Variants in NUP210L observed in about 807,000 individuals in gnomAD.
NUP210L encodes nucleoporin 210 like, also known as nuclear pore membrane glycoprotein 210-like.
Under a neutral mutation model 208.5 loss-of-function variants are expected in NUP210L, and 74 were observed. That is an observed-to-expected ratio of 0.35 (90% CI 0.29 to 0.43). The LOEUF (loss-of-function observed/expected upper bound fraction) is 0.43, where lower values mean the gene tolerates loss of function less well. NUP210L is among the 20% of genes least tolerant of loss of function. The pLI is 1.00. For synonymous variants in NUP210L, 780 were observed against 816.9 expected (o/e 0.95, Z 0.77); for missense variants, 1,843 against 2,289.4 (o/e 0.81, Z 3.98).
chr1:154,018,341 G>A (rs755336032), intron 33 of NUP210L, among the ~76,000 whole-genome samples: 44 of 151,964 alleles, frequency 2.9e-4, no homozygotes, highest in Admixed American at 9.2e-4. Flanking sequence ...ATGACTCCCA[G>A]ACTTTTATAT....
At chr1:154,119,947 T>C (rs982138941) in intron 10 of NUP210L, among the ~76,000 whole-genome samples, 2 of 152,230 alleles carry the variant, frequency 1.3e-5, no homozygotes, top group Non-Finnish European at 2.9e-5. Context: ...TTTCTAGTTC[T>C]AGATCCTTGA....
At chr1:154,027,506 C>G (rs770806647) in exon 29 of NUP210L, 1 of 1,601,196 alleles carries the variant, frequency 6.2e-7, no homozygotes, top group Non-Finnish European at 8.6e-7. Context: ...TTTTCCTTAC[C>G]TGTTGGTATG....
intron 17 of NUP210L, among the ~76,000 whole-genome samples, chr1:154,065,720 C>G (rs1056304307): frequency 6.6e-6 from 1 of 151,780 alleles, no homozygotes; most frequent in Admixed American, 6.6e-5. Context: ...TGGTGAAACT[C>G]GGTCTCTACT....
chr1:154,110,676 C>T (rs1034065191), intron 12 of NUP210L, among the ~76,000 whole-genome samples: 1 of 151,266 alleles, frequency 6.6e-6, no homozygotes, highest in African/African-American at 2.5e-5. Context: ...CCCAGGAGTT[C>T]AAGACCAGCC....
In NUP210L at chr1:154,118,663, C is replaced by T; in HGVS notation, c.1464+8G>A. On this transcript the variant is annotated splice_region_variant and intron_variant, in intron 11 of 39. Coordinates refer to ENST00000368559, the Ensembl canonical transcript of NUP210L. Reference sequence around the variant, plus strand: ...TATCTCCTTGTGAAGCCTTATAGGACACCATACCTGTACTTTATAACGATA... The same window carrying T: ...TATCTCCTTGTGAAGCCTTATAGGATACCATACCTGTACTTTATAACGATA... The T allele has an allele frequency of 6.5e-7, 1 of 1,546,926 alleles. No individual in the cohort carries two copies. The highest frequency in any genetic ancestry group is 8.7e-7 in the Non-Finnish European group (1 of 1,143,590).
chr1:154,120,009 A>G lies in NUP210L; in HGVS notation c.1327-1201T>C, dbSNP rs532089530. On this transcript the variant is annotated intron_variant, in intron 10 of 39. Coordinates refer to ENST00000368559, the Ensembl canonical transcript of NUP210L. ...GGTTGAACTAGTTTACAGTCCCACCAACAGTGTAAAAGTGTTCCTATTTCT... is the reference window on the plus strand; with the variant it reads ...GGTTGAACTAGTTTACAGTCCCACCGACAGTGTAAAAGTGTTCCTATTTCT... Among the ~76,000 whole-genome samples the G allele has an allele frequency of 1.4e-4, 21 of 152,330 alleles. No homozygotes were observed. In the East Asian group the frequency reaches 3.9e-3, roughly 28 times the overall value.
chr1:154,098,678 A>G (rs1365576247), intron 14 of NUP210L, among the ~76,000 whole-genome samples: 4 of 152,098 alleles, frequency 2.6e-5, no homozygotes, highest in African/African-American at 9.7e-5. Context: ...GAGGGGAGGA[A>G]GTCCACACTG....
intron 17 of NUP210L, among the ~76,000 whole-genome samples, chr1:154,066,914 G>A (rs1283973269): frequency 7.2e-5 from 11 of 152,148 alleles, no homozygotes; most frequent in Admixed American, 2.0e-4. Context: ...TCACTGAATA[G>A]ACCAATAACA....
intron 5 of NUP210L, among the ~76,000 whole-genome samples, chr1:154,139,190 AC>A (rs1215143419): frequency 6.7e-6 from 1 of 150,188 alleles, no homozygotes; most frequent in African/African-American, 2.5e-5. Context: ...ATCACTTGAA[AC>A]CCCCCCACCC....
At chr1:154,050,176 A>G (rs866429011) in intron 25 of NUP210L, among the ~76,000 whole-genome samples, 1 of 152,242 alleles carries the variant, frequency 6.6e-6, no homozygotes, top group Non-Finnish European at 1.5e-5. Flanking sequence ...TGACACTACA[A>G]TAGTGCCACA....
At chr1:154,038,550 G>A (rs1454096172) in intron 27 of NUP210L, among the ~76,000 whole-genome samples, 1 of 151,904 alleles carries the variant, frequency 6.6e-6, no homozygotes, top group African/African-American at 2.4e-5. Flanking sequence ...TCACCATGTT[G>A]GTCAGGCTGG....
intron 7 of NUP210L, among the ~76,000 whole-genome samples, chr1:154,135,514 C>T (rs1290749930): frequency 2.0e-5 from 3 of 151,882 alleles, no homozygotes; most frequent in Non-Finnish European, 4.4e-5. Context: ...CTCTGCCTCC[C>T]GGGTTCACAC....
exon 15 of NUP210L, chr1:154,095,084 G>C: frequency 6.2e-7 from 1 of 1,614,062 alleles, no homozygotes; most frequent in Non-Finnish European, 8.5e-7. Flanking sequence ...ATCCATGGAC[G>C]AGGACCCCCT....
At chr1:154,136,479 T>A (rs1571317156) in intron 6 of NUP210L, among the ~76,000 whole-genome samples, 1 of 150,470 alleles carries the variant, frequency 6.6e-6, no homozygotes, top group Admixed American at 6.6e-5. Flanking sequence ...AAATAAAAAT[T>A]AAAAATATAT....
intron 2 of NUP210L, among the ~76,000 whole-genome samples, chr1:154,143,998 G>A (rs1423835895): frequency 1.3e-5 from 2 of 151,936 alleles, no homozygotes; most frequent in East Asian, 1.9e-4. Context: ...TGGCTAACAC[G>A]GTGAAACCCC....
intron 17 of NUP210L, among the ~76,000 whole-genome samples, chr1:154,063,423 T>C (rs1417172544): frequency 6.6e-6 from 1 of 152,118 alleles, no homozygotes; most frequent in African/African-American, 2.4e-5. Context: ...ATAGGATATG[T>C]GTGGATAGTA....
chr1:154,137,457 C>T (rs1658604812), intron 6 of NUP210L, among the ~76,000 whole-genome samples: 1 of 151,440 alleles, frequency 6.6e-6, no homozygotes, highest in African/African-American at 2.4e-5. Flanking sequence ...GAGGCTGAGG[C>T]AGGAGAACTG....
At chr1:154,129,001 C>T (rs1051096123) in intron 8 of NUP210L, among the ~76,000 whole-genome samples, 3 of 152,138 alleles carry the variant, frequency 2.0e-5, no homozygotes, top group South Asian at 2.1e-4. Flanking sequence ...GGCCTATGAG[C>T]GTTAAGATTC....
chr1:154,117,179 C>T lies in NUP210L; in HGVS notation c.1620+546G>A, dbSNP rs73012860. On this transcript the variant is annotated intron_variant, in intron 12 of 39. Transcript: ENST00000368559. Reference sequence around the variant, plus strand: ...CATTTTTCAATAATTCTGATAATAACCTTCGAGGTGGATACTAACATCATC... The same window carrying T: ...CATTTTTCAATAATTCTGATAATAATCTTCGAGGTGGATACTAACATCATC... 1.8e-3 allele frequency among the ~76,000 whole-genome samples: 281 copies of T among 152,170 alleles called. 1 individual carries two copies. The highest frequency in any genetic ancestry group is 6.6e-3 in the African/African-American group (272 of 41,510).
Sources: gnomAD v4.1 joint callset for allele counts (sites outside exome capture counted in the v4.1 genomes callset) on GRCh38, gnomAD v4.1.1 for gene constraint, MANE v1.5 for transcripts, NCBI Gene and HGNC (gene_info 2026-07-23, HGNC 2026-07-21) for gene names.